The following DCX variants were observed in gnomAD, a reference collection of about 807,000 sequenced individuals.
DCX encodes the protein doublecortin.
DCX carries 4 observed loss-of-function variants against 20.9 expected under a neutral mutation model. The ratio of observed to expected loss-of-function variants is 0.19; its 90% CI spans 0.09 to 0.44. The LOEUF is 0.44. Among genes scored for constraint, DCX ranks in the 20% least tolerant of loss-of-function variants. The probability of loss-of-function intolerance (pLI) is 0.99; values close to 1 mark genes in which losing one functional copy is unlikely to be tolerated. For missense variants in DCX, 133 were observed against 296.9 expected (o/e 0.45, Z 4.06); for synonymous variants, 103 against 111.4 (o/e 0.92, Z 0.47).
At chrX:111,410,811 G>A in intron 1 of DCX, 2 of 1,211,242 alleles carry the variant, frequency 1.7e-6, no homozygotes, top group Non-Finnish European at 2.2e-6. Context: ...ACTGGCATCT[G>A]TTTCCTCACA....
intron 3 of DCX, among the ~76,000 whole-genome samples, chrX:111,334,308 C>T (rs977440938): frequency 3.4e-4 from 38 of 111,949 alleles, no homozygotes; most frequent in African/African-American, 1.1e-3. Flanking sequence ...CAAGAGATGC[C>T]CAGAGAAGAG....
At chrX:111,351,409 C>G (rs1923294954) in intron 3 of DCX, among the ~76,000 whole-genome samples, 1 of 111,905 alleles carries the variant, frequency 8.9e-6, no homozygotes, top group African/African-American at 3.2e-5. Context: ...AATAAGAAAA[C>G]AGAAACAGTA....
At chrX:111,322,760 A>T (rs1009062629) in intron 5 of DCX, among the ~76,000 whole-genome samples, 7 of 112,507 alleles carry the variant, frequency 6.2e-5, no homozygotes, top group Admixed American at 2.8e-4. Flanking sequence ...AGAGCCTGGG[A>T]ATAGTTCTTC....
intron 3 of DCX, among the ~76,000 whole-genome samples, chrX:111,385,678 A>C (rs769753854): frequency 9.3e-6 from 1 of 107,074 alleles, no homozygotes; most frequent in Non-Finnish European, 1.9e-5. Context: ...AGAAAAAGAA[A>C]GAAAGAGAAA....
At chrX:111,381,123 A>T (rs1164481726) in intron 3 of DCX, among the ~76,000 whole-genome samples, 3 of 110,670 alleles carry the variant, frequency 2.7e-5, no homozygotes, top group Non-Finnish European at 5.7e-5. Flanking sequence ...TTCTGGAAAG[A>T]ATTCTGTTAG....
At chrX:111,389,612 G>A (rs986173216) in intron 3 of DCX, among the ~76,000 whole-genome samples, 6 of 111,675 alleles carry the variant, frequency 5.4e-5, no homozygotes, top group African/African-American at 2.0e-4. Context: ...CAGCTACTCG[G>A]GAGGCTAAAG....
intron 3 of DCX, among the ~76,000 whole-genome samples, chrX:111,345,756 C>G: frequency 9.0e-6 from 1 of 111,698 alleles, no homozygotes; most frequent in Middle Eastern, 4.6e-3. Flanking sequence ...TGGGTATATA[C>G]CCAGTAATGG....
chrX:111,368,901 T>TATACACACACACACACAC lies in DCX; in HGVS notation c.705+32088_705+32089insGTGTGTGTGTGTGTGTAT, dbSNP rs1467693516. Among the ~76,000 whole-genome samples, 386 of 98,271 alleles carry TATACACACACACACACAC rather than the reference T, an allele frequency of 3.9e-3. 5 individuals carry two copies. Among genetic ancestry groups the TATACACACACACACACAC allele is most frequent in the African/African-American group, 0.014 (360 of 26,506 alleles). 85.3% of individuals were successfully genotyped at this position (98,271 alleles called of 115,157 possible). ...CTAATACGGGATATATATATATACATACACACACACACACACACACACACA... is the reference window on the plus strand; with the variant it reads ...CTAATACGGGATATATATATATACATATACACACACACACACACACACACACACACACACACACACACA... On this transcript the variant is annotated intron_variant, in intron 3 of 6. Transcript: ENST00000636035.
intron 6 of DCX, among the ~76,000 whole-genome samples, chrX:111,307,183 A>C (rs901262506): frequency 5.3e-4 from 58 of 110,102 alleles, no homozygotes; most frequent in Middle Eastern, 4.8e-3. Context: ...TTTTTTAAGT[A>C]CCTTTGAAAA....
chrX:111,315,843 ACC>A (rs2095069250), intron 5 of DCX, among the ~76,000 whole-genome samples: 2 of 24,803 alleles, frequency 8.1e-5, no homozygotes, highest in Non-Finnish European at 1.3e-4. Context: ...AAAACCAAAC[ACC>A]GCATATTCTC....
chrX:111,383,388 CA>C (rs1330009135), intron 3 of DCX, among the ~76,000 whole-genome samples: 1 of 111,579 alleles, frequency 9.0e-6, no homozygotes, highest in Non-Finnish European at 1.9e-5. Context: ...TGAAATGGAG[CA>C]CTTACTCATT....
chrX:111,401,457 G>A, intron 2 of DCX, 127 bp from the exon 3 acceptor site: 1 of 587,447 alleles, frequency 1.7e-6, no homozygotes, highest in Non-Finnish European at 2.7e-6. Flanking sequence ...ACCAACCTTA[G>A]GTGCAATTCC....
rs758302371 is a variant in DCX at position 111,320,105 on chromosome X, C to T, written c.947-7369G>A. 3.4e-4 allele frequency among the ~76,000 whole-genome samples: 38 copies of T among 112,376 alleles called. 1 individual carries two copies. Among genetic ancestry groups the T allele is most frequent in the Admixed American group, 2.9e-3 (31 of 10,568 alleles). ...GTAAAAATGCAGACACTTTGTCAGA[C>T]GTTCCCAGAGTTCCCTGGTAGAATG... is the stretch of plus-strand genomic sequence containing the variant. On this transcript the variant is annotated intron_variant, in intron 5 of 6. Transcript: ENST00000636035.
intron 2 of DCX, among the ~76,000 whole-genome samples, chrX:111,405,640 G>C (rs189464962): frequency 3.7e-3 from 400 of 109,118 alleles, no homozygotes; most frequent in Non-Finnish European, 5.7e-3. Flanking sequence ...AAGAAAATGG[G>C]GAAAGAATTG....
intron 6 of DCX, among the ~76,000 whole-genome samples, chrX:111,302,126 C>T (rs1391043013): frequency 9.0e-6 from 1 of 111,693 alleles, no homozygotes; most frequent in Non-Finnish European, 1.9e-5. Context: ...CTCCCCTCTT[C>T]CCTGAGCCCT....
At chrX:111,345,355 G>A (rs1028061571) in intron 3 of DCX, among the ~76,000 whole-genome samples, 19 of 111,581 alleles carry the variant, frequency 1.7e-4, no homozygotes, top group African/African-American at 4.6e-4. Flanking sequence ...CGACAAAAAC[G>A]TCAAAAGCAA....
In DCX at chrX:111,406,627, C is replaced by A. The variant is rs4570335; in HGVS notation, c.364+3408G>T. ...TCCTTCAACAAAAAGGAAAGAAGTG[C>A]CAATACATGGAACAACATAGATAAA... On this transcript the variant is annotated intron_variant, in intron 2 of 6. Transcript: ENST00000636035. Among the ~76,000 whole-genome samples the A allele has an allele frequency of 1.8e-3, 197 of 110,900 alleles. 1 individual carries two copies. Among genetic ancestry groups the A allele is most frequent in the Admixed American group, 0.017 (176 of 10,326 alleles).
chrX:111,322,346 T>TGCTGTTTTG (rs1301765420), intron 5 of DCX, among the ~76,000 whole-genome samples: 2 of 111,824 alleles, frequency 1.8e-5, no homozygotes, highest in Non-Finnish European at 3.8e-5. Flanking sequence ...TCCTTAAAGT[T>TGCTGTTTTG]AGCACACCAC....
chrX:111,344,817 C>G (rs1922634818), intron 3 of DCX, among the ~76,000 whole-genome samples: 1 of 111,524 alleles, frequency 9.0e-6, no homozygotes. Flanking sequence ...CCATACTGCC[C>G]AAAGTAATTT....
Sources: allele counts gnomAD v4.1 joint callset (sites outside exome capture counted in the v4.1 genomes callset), GRCh38; gene constraint gnomAD v4.1.1; transcripts MANE v1.5; gene names NCBI Gene and HGNC (gene_info 2026-07-23, HGNC 2026-07-21).